CEP85L: variants seen among roughly 807,000 people sequenced by gnomAD.
CEP85L encodes the protein centrosomal protein 85L, also known as centrosomal protein of 85 kDa-like.
Under a neutral mutation model 100.3 loss-of-function variants are expected in CEP85L, and 60 were observed. The ratio of observed to expected loss-of-function variants is 0.60; its 90% confidence interval spans 0.49 to 0.74. CEP85L has a LOEUF of 0.74. Among genes scored for constraint, CEP85L ranks in the 30% least tolerant of loss-of-function variants. The probability of loss-of-function intolerance (pLI) is 0.00; values close to 1 mark genes in which losing one functional copy is unlikely to be tolerated. For synonymous variants in CEP85L, 319 were observed against 322.7 expected (o/e 0.99, Z 0.12); for missense variants, 973 against 936.2 (o/e 1.04, Z -0.51).
At chr6:118,641,873 C>G (rs1348761600) in intron 1 of CEP85L, among the ~76,000 whole-genome samples, 1 of 151,998 alleles carries the variant, frequency 6.6e-6, no homozygotes, top group Non-Finnish European at 1.5e-5. Context: ...AATATGTCAC[C>G]TAGCATTTCT....
intron 5 of CEP85L, among the ~76,000 whole-genome samples, chr6:118,494,015 A>C (rs1774759035): frequency 6.6e-6 from 1 of 152,226 alleles, no homozygotes; most frequent in Admixed American, 6.5e-5. Flanking sequence ...AATATCAACA[A>C]GTCTTCTAAA....
At position 118,617,847 on chromosome 6, in the gene CEP85L, C is replaced by G. The variant is rs562251101; in HGVS notation, c.232+14606G>C. ...TCCAGGAAGAGCATCCCAACTGCCACGCAGTGAGTACCCTCGGACCTCTTT... is the reference window on the plus strand; with the variant it reads ...TCCAGGAAGAGCATCCCAACTGCCAGGCAGTGAGTACCCTCGGACCTCTTT... On this transcript the variant is annotated intron_variant, in intron 2 of 12. Coordinates refer to ENST00000368491, the MANE Select transcript of CEP85L (RefSeq NM_001042475.3). 1.6e-4 allele frequency among the ~76,000 whole-genome samples: 25 copies of G among 152,286 alleles called. No homozygotes were observed. The South Asian group carries it at 5.2e-3, about 32-fold the overall frequency.
intron 5 of CEP85L, among the ~76,000 whole-genome samples, chr6:118,506,850 G>T (rs528521190): frequency 6.6e-6 from 1 of 151,974 alleles, no homozygotes; most frequent in Non-Finnish European, 1.5e-5. Context: ...TTTATACAAC[G>T]GTTCCCTTTC....
At chr6:118,635,401 C>T (rs984652317) in intron 1 of CEP85L, among the ~76,000 whole-genome samples, 136 of 152,102 alleles carry the variant, frequency 8.9e-4, no homozygotes, top group African/African-American at 3.1e-3. Flanking sequence ...CATTTACATA[C>T]ATGGAAGAAG....
At chr6:118,501,565 G>A in intron 5 of CEP85L, 1 of 524,652 alleles carries the variant, frequency 1.9e-6, no homozygotes, top group South Asian at 1.5e-5. Flanking sequence ...AAGAGATCAA[G>A]AACAGTGAAG....
At chr6:118,707,780 G>T (rs184014837) in intron 1 of CEP85L, among the ~76,000 whole-genome samples, 3 of 152,006 alleles carry the variant, frequency 2.0e-5, no homozygotes, top group African/African-American at 7.3e-5. Context: ...GGCAAAATAC[G>T]TAAAACCTTA....
At chr6:118,699,326 G>A (rs547819053) in intron 1 of CEP85L, among the ~76,000 whole-genome samples, 4 of 151,750 alleles carry the variant, frequency 2.6e-5, no homozygotes, top group African/African-American at 9.7e-5. Flanking sequence ...ATGGTGGCAC[G>A]TCCCTGAAAT....
At position 118,487,871 on chromosome 6, in the gene CEP85L, T is replaced by A. The variant is rs570591386; in HGVS notation, c.1437+3815A>T. ...AACTCCAGATTCAAGTTTCTCCCTG[T>A]GCAGAGAAAGCAATGGACAGAACAC... On this transcript the variant is annotated intron_variant, in intron 6 of 12. Coordinates refer to ENST00000368491, the MANE Select transcript of CEP85L (RefSeq NM_001042475.3). Among the ~76,000 whole-genome samples, 7 of 152,306 alleles carry A rather than the reference T, an allele frequency of 4.6e-5. No individual in the cohort carries two copies. The South Asian group carries it at 1.5e-3, about 32-fold the overall frequency.
chr6:118,651,727 G>A (rs1223428513), upstream of CEP85L: 5 of 985,288 alleles, frequency 5.1e-6, no homozygotes, highest in Admixed American at 2.5e-4. Context: ...GGGCGGGTGA[G>A]CTACCCCGAC....
At chr6:118,577,893 G>A (rs1780335940) in intron 2 of CEP85L, among the ~76,000 whole-genome samples, 1 of 152,184 alleles carries the variant, frequency 6.6e-6, no homozygotes, top group Non-Finnish European at 1.5e-5. Context: ...GTAGGTTGCT[G>A]CATCATACCT....
chr6:118,704,913 A>G (rs1406028213), intron 1 of CEP85L, among the ~76,000 whole-genome samples: 1 of 152,084 alleles, frequency 6.6e-6, no homozygotes, highest in Non-Finnish European at 1.5e-5. Context: ...TCCATTTTTA[A>G]AAATTCACAG....
chr6:118,518,695 T>G (rs188001232), intron 4 of CEP85L, among the ~76,000 whole-genome samples: 2 of 152,314 alleles, frequency 1.3e-5, no homozygotes, highest in Non-Finnish European at 2.9e-5. Context: ...CTGGATTCAT[T>G]AATATTTTGA....
At chr6:118,539,615 TC>T (rs1777792571) in intron 3 of CEP85L, among the ~76,000 whole-genome samples, 1 of 152,064 alleles carries the variant, frequency 6.6e-6, no homozygotes, top group African/African-American at 2.4e-5. Context: ...TATTTTAAGT[TC>T]CGGGATACAT....
chr6:118,575,125 G>A (rs1480584570), intron 2 of CEP85L, among the ~76,000 whole-genome samples: 1 of 152,120 alleles, frequency 6.6e-6, no homozygotes, highest in Admixed American at 6.5e-5. Flanking sequence ...GAGCTCCACT[G>A]ACTCAGGAAA....
chr6:118,501,051 A>G (rs1489259962), intron 5 of CEP85L, among the ~76,000 whole-genome samples: 1 of 150,686 alleles, frequency 6.6e-6, no homozygotes, highest in Admixed American at 6.6e-5. Flanking sequence ...CTCTTTTTCC[A>G]CTTTCTGTCC....
intron 11 of CEP85L, among the ~76,000 whole-genome samples, chr6:118,469,847 C>A (rs1437739852): frequency 6.6e-6 from 1 of 151,994 alleles, no homozygotes; most frequent in African/African-American, 2.4e-5. Flanking sequence ...AGTGATCTGC[C>A]CACCTCAGGT....
intron 2 of CEP85L, among the ~76,000 whole-genome samples, chr6:118,609,445 A>G (rs1023353063): frequency 6.6e-6 from 1 of 152,242 alleles, no homozygotes; most frequent in Middle Eastern, 3.2e-3. Flanking sequence ...GAAGAAATAC[A>G]TAATAGTAGT....
In CEP85L at chr6:118,462,054, T is replaced by C. The variant is rs1772260669; in HGVS notation, c.*3351A>G. ...TAAGAAATTAATAATTCTTGCACTA[T>C]GAAAGAATTACTTTATAAGCTCCTT... On this transcript the variant is annotated 3_prime_UTR_variant, in exon 13 of 13. Transcript: ENST00000368491. 6.6e-6 allele frequency: 1 copy of C among 152,060 alleles called. No homozygotes were observed. The allele number at this position is 152,060 out of a possible 1,614,324, so 9.4% of individuals were successfully genotyped here.
At chr6:118,636,905 T>A (rs890779196) in intron 1 of CEP85L, among the ~76,000 whole-genome samples, 4 of 152,180 alleles carry the variant, frequency 2.6e-5, no homozygotes, top group Non-Finnish European at 5.9e-5. Context: ...AGCCAATTCT[T>A]AATTAATTAA....
Sources: gnomAD v4.1 joint callset for allele counts (sites outside exome capture counted in the v4.1 genomes callset) on GRCh38, gnomAD v4.1.1 for gene constraint, MANE v1.5 for transcripts, NCBI Gene and HGNC (gene_info 2026-07-23, HGNC 2026-07-21) for gene names.